KALRN: variants seen among roughly 807,000 people sequenced by gnomAD.
KALRN encodes the protein kalirin.
Under a neutral mutation model 353.7 loss-of-function variants are expected in KALRN, and 70 were observed. The ratio of observed to expected loss-of-function variants is 0.20; its 90% CI spans 0.16 to 0.24. The LOEUF (loss-of-function observed/expected upper bound fraction) is 0.24, where lower values mean the gene tolerates loss of function less well. Among genes scored for constraint, KALRN ranks in the 10% least tolerant of loss-of-function variants. The pLI is 1.00. For missense variants in KALRN, 2,791 were observed against 3,756.7 expected (o/e 0.74, Z 6.72); for synonymous variants, 1,391 against 1,434.8 (o/e 0.97, Z 0.69).
intron 5 of KALRN, among the ~76,000 whole-genome samples, chr3:124,286,126 T>TCTTTCTTTCTTTC (rs1199305999): frequency 2.7e-5 from 4 of 148,662 alleles, no homozygotes; most frequent in Admixed American, 1.3e-4. Context: ...TTTCTTTCTT[T>TCTTTCTTTCTTTC]CTTTCTTTCT....
At chr3:124,097,710 C>G (rs2061547520) in intron 1 of KALRN, among the ~76,000 whole-genome samples, 2 of 152,210 alleles carry the variant, frequency 1.3e-5, no homozygotes, top group African/African-American at 4.8e-5. Flanking sequence ...TTTGTCTCCC[C>G]TATCACTGTT....
intron 1 of KALRN, among the ~76,000 whole-genome samples, chr3:124,213,099 G>A (rs963715553): frequency 1.3e-5 from 2 of 152,032 alleles, no homozygotes; most frequent in African/African-American, 4.8e-5. Flanking sequence ...ATGCTTTTGT[G>A]CCTTGAGAGC....
At chr3:124,158,322 A>C (rs58105880) in intron 1 of KALRN, among the ~76,000 whole-genome samples, 3,136 of 152,274 alleles carry the variant, frequency 0.021, 96 homozygotes, top group African/African-American at 0.071. Context: ...GGAAGCTCCC[A>C]GTCTACTGAG....
chr3:124,561,757 G>A (rs2072039509), intron 33 of KALRN, among the ~76,000 whole-genome samples: 1 of 152,176 alleles, frequency 6.6e-6, no homozygotes, highest in African/African-American at 2.4e-5. Flanking sequence ...GTGAACTTTA[G>A]AGGATAACAG....
rs1410440791 is a variant in KALRN, at chr3:124,510,579, G to A, written c.4935+14166G>A. Among the ~76,000 whole-genome samples, 8 of 151,868 alleles carry A rather than the reference G, an allele frequency of 5.3e-5. No individual in the cohort carries two copies. The East Asian group carries it at 7.7e-4, about 15-fold the overall frequency. On this transcript the variant is annotated intron_variant, in intron 33 of 59. Transcript: ENST00000682506. Reference sequence around the variant, plus strand: ...ATTACGTTTATCCTCACCTTGATGCGTCATTGTCCTTTTATTCTTTCATTC... The same window carrying A: ...ATTACGTTTATCCTCACCTTGATGCATCATTGTCCTTTTATTCTTTCATTC...
chr3:124,664,395 C>A (rs1167751557), intron 45 of KALRN, among the ~76,000 whole-genome samples: 3 of 144,938 alleles, frequency 2.1e-5, no homozygotes, highest in Non-Finnish European at 3.0e-5. Flanking sequence ...ATAAGGGCAC[C>A]CACAAGCACA....
chr3:124,063,585 A>G (rs2149225864), intron 1 of KALRN, among the ~76,000 whole-genome samples: 1 of 152,354 alleles, frequency 6.6e-6, no homozygotes, highest in South Asian at 2.1e-4. Flanking sequence ...AGCTGGAGGC[A>G]AACAGATGTC....
intron 1 of KALRN, among the ~76,000 whole-genome samples, chr3:124,038,978 C>G (rs1044308735): frequency 6.6e-6 from 1 of 152,250 alleles, no homozygotes. Context: ...CCATGGACTC[C>G]TTTCCTGGCC....
chr3:124,348,039 A>G (rs1292466628), intron 10 of KALRN, among the ~76,000 whole-genome samples: 1 of 152,160 alleles, frequency 6.6e-6, no homozygotes, highest in East Asian at 1.9e-4. Flanking sequence ...ATATTTCTGC[A>G]TTGGGGAGTT....
intron 1 of KALRN, among the ~76,000 whole-genome samples, chr3:124,081,305 GA>G (rs1259455770): frequency 2.0e-5 from 3 of 152,118 alleles, no homozygotes; most frequent in Admixed American, 6.5e-5. Flanking sequence ...AAGATATCAA[GA>G]AAAAATAAGC....
chr3:124,140,367 T>G (rs1476049450), intron 1 of KALRN, among the ~76,000 whole-genome samples: 1 of 152,234 alleles, frequency 6.6e-6, no homozygotes, highest in Non-Finnish European at 1.5e-5. Flanking sequence ...GAATTTCAAC[T>G]GCCACTGACA....
chr3:124,204,007 A>G (rs181578131), intron 1 of KALRN, among the ~76,000 whole-genome samples: 1 of 152,320 alleles, frequency 6.6e-6, no homozygotes, highest in East Asian at 1.9e-4. Flanking sequence ...GGACATGAGT[A>G]TGTATTCTTG....
At chr3:124,460,268 A>G (rs1398712239) in intron 23 of KALRN, among the ~76,000 whole-genome samples, 4 of 152,198 alleles carry the variant, frequency 2.6e-5, no homozygotes, top group Admixed American at 2.0e-4. Flanking sequence ...AATTCAGCCC[A>G]TATCTGGGAG....
At chr3:124,044,895 TTC>T (rs1166371733) in intron 1 of KALRN, among the ~76,000 whole-genome samples, 6,029 of 24,966 alleles carry the variant, frequency 0.24, 194 homozygotes, top group South Asian at 0.43. Context: ...CCTTCCTTCC[TTC>T]CTTCCTTCCT....
chr3:124,572,362 G>T (rs1281463983), intron 34 of KALRN, among the ~76,000 whole-genome samples: 2 of 151,592 alleles, frequency 1.3e-5, no homozygotes, highest in East Asian at 3.9e-4. Flanking sequence ...AAAAAAAACA[G>T]GTTGAATGTC....
intron 5 of KALRN, among the ~76,000 whole-genome samples, chr3:124,285,677 A>G (rs1243228537): frequency 1.3e-5 from 2 of 152,094 alleles, no homozygotes; most frequent in African/African-American, 4.8e-5. Context: ...CTGGGATTAC[A>G]GGTGCACGCC....
Position 124,442,025 on chromosome 3 carries a change from C to T in KALRN, c.3279C>T (p.Ala1093=), listed in dbSNP as rs764758898. The stretch of plus-strand genomic sequence containing the variant: ...ACAACGTCAGCATGCCCAGTGTCGC[C>T]AGCCACACTCGGGGACCCGAGCAAC... ...HRNNVSMPSV[A]SHTRGPEQQV... The change falls in exon 19 of 60, where the codon GCC becomes GCT. Residue 1093 remains alanine, a synonymous_variant. Coordinates refer to ENST00000682506, the MANE Select transcript of KALRN (RefSeq NM_001388419.1). The T allele has an allele frequency of 5.0e-6, 8 of 1,606,206 alleles. No individual in the cohort carries two copies. Among genetic ancestry groups the T allele is most frequent in the Non-Finnish European group, 5.1e-6 (6 of 1,174,384 alleles).
chr3:124,619,463 A>ATTCCTTTTTAT (rs2079022869), intron 34 of KALRN, among the ~76,000 whole-genome samples: 1 of 144,276 alleles, frequency 6.9e-6, no homozygotes, highest in Admixed American at 7.0e-5. Flanking sequence ...TCATGTGATA[A>ATTCCTTTTTAT]TTCCTTTTTA....
rs61485429 is a variant in KALRN at position 124,411,433 on chromosome 3, C to CTTTTTTTTTTTTTTTTT, written c.2347-2025_2347-2009dup. Reference sequence around the variant, plus strand: ...AAGCCTATGTATACTTTAAATTATGCTTTTTTTTTTTTTTTTTTTTTTTTT... The same window carrying CTTTTTTTTTTTTTTTTT: ...AAGCCTATGTATACTTTAAATTATGCTTTTTTTTTTTTTTTTTTTTTTTTTTTTTTTTTTTTTTTTTT... On this transcript the variant is annotated intron_variant, in intron 13 of 59. Transcript: ENST00000682506. Among the ~76,000 whole-genome samples the CTTTTTTTTTTTTTTTTT allele has an allele frequency of 3.5e-4, 18 of 51,492 alleles. 4 individuals are homozygous for CTTTTTTTTTTTTTTTTT. The highest frequency in any genetic ancestry group is 6.1e-4 in the East Asian group (1 of 1,636). 33.8% of individuals were successfully genotyped at this position (51,492 alleles called of 152,430 possible).
Sources: gnomAD v4.1 joint callset for allele counts (sites outside exome capture counted in the v4.1 genomes callset) on GRCh38, gnomAD v4.1.1 for gene constraint, MANE v1.5 for transcripts, NCBI Gene and HGNC (gene_info 2026-07-23, HGNC 2026-07-21) for gene names.